Variants in ATRN observed in about 807,000 individuals in gnomAD.
ATRN encodes the protein attractin-2.
Under a neutral mutation model 178.7 loss-of-function variants are expected in ATRN, and 54 were observed. That is an observed-to-expected ratio of 0.30 (90% CI 0.24 to 0.38). The LOEUF (loss-of-function observed/expected upper bound fraction) is 0.38, where lower values mean the gene tolerates loss of function less well. Among genes scored for constraint, ATRN ranks in the 10% least tolerant of loss-of-function variants. The pLI, the probability that ATRN is intolerant of heterozygous loss-of-function variation, is 1.00. For missense variants in ATRN, 1,443 were observed against 1,815.1 expected (o/e 0.79, Z 3.73); for synonymous variants, 636 against 663.0 (o/e 0.96, Z 0.63).
chr20:3,474,009 G>C (rs1431376058), intron 1 of ATRN, among the ~76,000 whole-genome samples: 1 of 152,194 alleles, frequency 6.6e-6, no homozygotes, highest in Admixed American at 6.6e-5. Context: ...AGGGACACAG[G>C]AGCAGGTGTT....
chr20:3,515,149 G>A (rs1387418491), intron 1 of ATRN, among the ~76,000 whole-genome samples: 1 of 152,056 alleles, frequency 6.6e-6, no homozygotes, highest in Admixed American at 6.6e-5. Context: ...CTGCAGTAAG[G>A]CAAGAAAAGT....
In ATRN at chr20:3,547,438, A is replaced by T. The variant is rs150589475; in HGVS notation, c.892A>T (p.Ile298Phe). 6.2e-7 allele frequency: 1 copy of T among 1,614,094 alleles called. No homozygotes were observed. The highest frequency in any genetic ancestry group is 1.1e-5 in the South Asian group (1 of 91,088). The change falls in exon 5 of 29, where the codon ATC becomes TTC. Residue 298 changes from isoleucine (I) to phenylalanine (F), a missense_variant. Physicochemically the swap from Ile to Phe is conservative, Grantham distance 21 (BLOSUM62 0). Transcript: ENST00000262919. ...TDNCGFPHRG[I>F]CNSSDVRGCS... ...CAACTGTGGTTTTCCTCATCGAGGC[A>T]TCTGCAATTCAAGTGATGTCAGAGG...
intron 1 of ATRN, among the ~76,000 whole-genome samples, chr20:3,519,016 A>G (rs1210818107): frequency 6.7e-6 from 1 of 148,970 alleles, no homozygotes; most frequent in Non-Finnish European, 1.5e-5. Flanking sequence ...TAAAAAAAAA[A>G]AAAAGAAAGA....
At chr20:3,517,237 G>A (rs997524021) in intron 1 of ATRN, among the ~76,000 whole-genome samples, 2 of 152,010 alleles carry the variant, frequency 1.3e-5, no homozygotes, top group East Asian at 1.9e-4. Flanking sequence ...TTAATAGCAC[G>A]AGAAAAGGCT....
Position 3,578,572 on chromosome 20 carries a change from T to G in ATRN, c.2354-10T>G, listed in dbSNP as rs2086242128. 1 of 1,595,848 alleles carries G rather than the reference T, an allele frequency of 6.3e-7. No individual in the cohort carries two copies. The highest frequency in any genetic ancestry group is 1.1e-5 in the South Asian group (1 of 88,414). On this transcript the variant is annotated splice_polypyrimidine_tract_variant and intron_variant, in intron 14 of 28. Coordinates refer to ENST00000262919, the MANE Select transcript of ATRN (RefSeq NM_139321.3). ...AAATTCTTTTCTTTCTCTTTTCCCC[T>G]TAATGAAAGAAAATATCTGTGGCAT...
At chr20:3,493,502 C>T (rs1229629708) in intron 1 of ATRN, among the ~76,000 whole-genome samples, 4 of 151,984 alleles carry the variant, frequency 2.6e-5, no homozygotes, top group Admixed American at 2.0e-4. Context: ...ACAGTGTTGC[C>T]TAGGCTGGTC....
chr20:3,638,698 TC>T lies in ATRN; in HGVS notation c.3943-129del. 8.5e-6 allele frequency: 6 copies of T among 706,716 alleles called. 1 individual carries two copies. In the South Asian group the frequency reaches 1.2e-4, roughly 14 times the overall value. 43.8% of individuals were successfully genotyped at this position (706,716 alleles called of 1,614,324 possible). On this transcript the variant is annotated intron_variant, in intron 26 of 28. Coordinates refer to ENST00000262919, the MANE Select transcript of ATRN (RefSeq NM_139321.3). The surrounding 1 kb of genome is among the most constrained non-coding windows in gnomAD (Gnocchi z 4.5). ...ATCCCTAATGTTATCTAATATCAAGTCTAAAAAGTATCATTTTGGACTTGAT... is the reference window on the plus strand; with the variant it reads ...ATCCCTAATGTTATCTAATATCAAGTTAAAAAGTATCATTTTGGACTTGAT...
At chr20:3,616,698 C>T (rs1272028590) in intron 24 of ATRN, among the ~76,000 whole-genome samples, 1 of 152,052 alleles carries the variant, frequency 6.6e-6, no homozygotes, top group African/African-American at 2.4e-5. Context: ...CGAAAAGTCA[C>T]CGACGATCAG....
At chr20:3,525,071 G>C (rs927031289) in intron 1 of ATRN, among the ~76,000 whole-genome samples, 7 of 152,136 alleles carry the variant, frequency 4.6e-5, no homozygotes, top group Non-Finnish European at 7.4e-5. Flanking sequence ...AACTAAAGGA[G>C]ATAGAGACAT....
chr20:3,598,199 T>A (rs1489227397), intron 22 of ATRN, among the ~76,000 whole-genome samples, 199 bp downstream of exon 22: 1 of 152,198 alleles, frequency 6.6e-6, no homozygotes, highest in Admixed American at 6.5e-5. Flanking sequence ...TTAATAAGAT[T>A]TACCAGGATC....
In ATRN at chr20:3,587,287, A is replaced by G. The variant is rs538014306; in HGVS notation, c.3184+2407A>G. Among the ~76,000 whole-genome samples, 35 of 152,302 alleles carry G rather than the reference A, an allele frequency of 2.3e-4. No homozygotes were observed. The South Asian group carries it at 7.3e-3, about 32-fold the overall frequency. ...CCATGTGCTTTTTGGTATTGTATCT[A>G]GAAAATCAGTGCCCAAGTAACCCAG... On this transcript the variant is annotated intron_variant, in intron 18 of 28. Transcript: ENST00000262919.
intron 2 of ATRN, among the ~76,000 whole-genome samples, chr20:3,536,980 C>T (rs13041494): frequency 2.6e-5 from 4 of 152,056 alleles, no homozygotes; most frequent in Non-Finnish European, 5.9e-5. Flanking sequence ...AATTAAAATC[C>T]ATTGGTTTTC....
intron 1 of ATRN, among the ~76,000 whole-genome samples, chr20:3,475,758 T>C (rs1352709456): frequency 6.6e-6 from 1 of 152,206 alleles, no homozygotes; most frequent in Non-Finnish European, 1.5e-5. Flanking sequence ...GTGAATTGGA[T>C]TGAGCCTGAT....
chr20:3,512,107 A>ATATATATATATATATATATAT, intron 1 of ATRN, among the ~76,000 whole-genome samples: 22 of 106,380 alleles, frequency 2.1e-4, no homozygotes, highest in Non-Finnish European at 3.6e-4. Context: ...ATATATATAT[A>ATATATATATATATATATATAT]TTTTTTTTTT....
chr20:3,490,661 G>A lies in ATRN; in HGVS notation c.410+19144G>A, dbSNP rs2084778823. The A allele has an allele frequency of 5.9e-6, 5 of 847,106 alleles. No individual in the cohort carries two copies. In the East Asian group the frequency reaches 9.7e-5, roughly 16 times the overall value. 52.5% of individuals were successfully genotyped at this position (847,106 alleles called of 1,614,324 possible). A position where few individuals can be genotyped will look rare whatever the true frequency, so the allele number is the denominator to read the frequency against. On this transcript the variant is annotated intron_variant, in intron 1 of 28. Transcript: ENST00000262919. ...ACCAAGTTTTGTGCCTCTTCACTTG[G>A]ATTCTCTGAGCCTTCAGGAGCTCCT...
chr20:3,505,295 G>C (rs11698690), intron 1 of ATRN, among the ~76,000 whole-genome samples: 22,749 of 152,156 alleles, frequency 0.15, 2,156 homozygotes, highest in Non-Finnish European at 0.21. Context: ...CTGGCCCTCA[G>C]ACTTCAGGAC....
intron 1 of ATRN, among the ~76,000 whole-genome samples, chr20:3,474,287 G>A (rs1358877395): frequency 6.6e-6 from 1 of 152,194 alleles, no homozygotes; most frequent in Non-Finnish European, 1.5e-5. Context: ...TCTAGGTGAT[G>A]TCAGTGCTGT....
chr20:3,621,792 A>G (rs1438550140), intron 24 of ATRN, among the ~76,000 whole-genome samples: 1 of 152,222 alleles, frequency 6.6e-6, no homozygotes, highest in Non-Finnish European at 1.5e-5. Context: ...CTTTAATTTT[A>G]GAGTTAACAA....
intron 1 of ATRN, among the ~76,000 whole-genome samples, chr20:3,492,877 A>ACGCGCGCGCG (rs1422123781): frequency 3.7e-5 from 5 of 135,754 alleles, no homozygotes; most frequent in African/African-American, 1.6e-4. Flanking sequence ...GTGCGCACGC[A>ACGCGCGCGCG]CACACACACA....
Sources: gnomAD v4.1 joint callset for allele counts (sites outside exome capture counted in the v4.1 genomes callset) on GRCh38, gnomAD v4.1.1 for gene constraint, Gnocchi (gnomAD v3.1) non-coding constraint, MANE v1.5 for transcripts, NCBI Gene and HGNC (gene_info 2026-07-23, HGNC 2026-07-21) for gene names.